The following MAML2 variants were observed in gnomAD, a reference collection of about 807,000 sequenced individuals.
MAML2 encodes mastermind-like protein 2.
A neutral mutation model predicts 96.1 loss-of-function variants in MAML2; 22 were observed. The observed-to-expected ratio is 0.23, with a 90% CI of 0.16 to 0.33. The LOEUF (loss-of-function observed/expected upper bound fraction) is 0.33. Ranked by LOEUF, MAML2 falls within the 10% of genes least tolerant of loss-of-function variation. MAML2 has a pLI of 1.00. For synonymous variants in MAML2, 561 were observed against 521.3 expected, an observed-to-expected ratio of 1.08 and a Z score of -1.04; for missense variants, 1,367 against 1,392.4, an observed-to-expected ratio of 0.98 and a Z score of 0.29.
intron 1 of MAML2, among the ~76,000 whole-genome samples, chr11:96,108,983 C>T (rs1223021028): frequency 6.6e-6 from 1 of 151,336 alleles, no homozygotes; most frequent in East Asian, 1.9e-4. Flanking sequence ...AGTGATCATG[C>T]CACTGCACAA....
At chr11:96,017,490 A>G (rs1858373156) in intron 2 of MAML2, among the ~76,000 whole-genome samples, 1 of 151,992 alleles carries the variant, frequency 6.6e-6, no homozygotes, top group African/African-American at 2.4e-5. Flanking sequence ...TGGTAAATAA[A>G]TCAGAGCTCT....
At chr11:96,196,879 C>CT (rs35624218) in intron 1 of MAML2, among the ~76,000 whole-genome samples, 54,567 of 128,712 alleles carry the variant, frequency 0.42, 11,733 homozygotes, top group Middle Eastern at 0.53. Context: ...CCACCCTCGG[C>CT]TTTTTTTTTT....
chr11:96,259,518 T>C (rs1459916506), intron 1 of MAML2, among the ~76,000 whole-genome samples: 1 of 152,218 alleles, frequency 6.6e-6, no homozygotes, highest in Non-Finnish European at 1.5e-5. Flanking sequence ...TAGTTGTTTG[T>C]CTAGAATTTC....
In MAML2 at chr11:95,978,026, C is replaced by T. The variant is rs753365866; in HGVS notation, c.*922G>A. On this transcript the variant is annotated 3_prime_UTR_variant, in exon 5 of 5. Transcript: ENST00000524717. ...CAGTCATCAAAATGAGTAGGGAGGACGAGGTTCAATTTCACTCAGCTTGGG... is the reference window on the plus strand; with the variant it reads ...CAGTCATCAAAATGAGTAGGGAGGATGAGGTTCAATTTCACTCAGCTTGGG... The T allele has an allele frequency of 5.9e-5, 13 of 218,822 alleles. No homozygotes were observed. The highest frequency in any genetic ancestry group is 1.9e-4 in the South Asian group (1 of 5,368). The allele number at this position is 218,822 out of a possible 1,614,324, so 13.6% of individuals were successfully genotyped here.
intron 2 of MAML2, among the ~76,000 whole-genome samples, chr11:96,089,605 G>T (rs1192501244): frequency 6.6e-6 from 1 of 152,194 alleles, no homozygotes; most frequent in Non-Finnish European, 1.5e-5. Context: ...ATCAGAATGT[G>T]TATACTTCCC....
intron 1 of MAML2, among the ~76,000 whole-genome samples, chr11:96,196,274 C>T (rs1316574171): frequency 6.6e-6 from 1 of 151,626 alleles, no homozygotes; most frequent in Non-Finnish European, 1.5e-5. Context: ...TAGTTCATCC[C>T]AGTTGCTTCG....
chr11:96,239,473 G>A (rs576337996), intron 1 of MAML2, among the ~76,000 whole-genome samples: 23 of 152,212 alleles, frequency 1.5e-4, no homozygotes, highest in Non-Finnish European at 2.8e-4. Context: ...AATCAAGAAT[G>A]TTCAGAGTTT....
At chr11:96,282,248 CA>C (rs546246324) in intron 1 of MAML2, among the ~76,000 whole-genome samples, 4,317 of 136,910 alleles carry the variant, frequency 0.032, 92 homozygotes, top group South Asian at 0.059. Flanking sequence ...GACTCCATCT[CA>C]AAAAAAAAAT....
At position 96,128,178 on chromosome 11, in the gene MAML2, G is replaced by A. The variant is rs139146001; in HGVS notation, c.514-34661C>T. Among the ~76,000 whole-genome samples the A allele has an allele frequency of 3.7e-3, 566 of 152,174 alleles. 3 individuals are homozygous for A. The highest frequency in any genetic ancestry group is 0.019 in the South Asian group (89 of 4,808). On this transcript the variant is annotated intron_variant, in intron 1 of 4. Transcript: ENST00000524717. ...GGAGGCCGAGGCGGGTGGATCACCT[G>A]AGGTCAGGAGTTTGAGATCAGCCTG...
chr11:96,038,497 T>C (rs562019993), intron 2 of MAML2, among the ~76,000 whole-genome samples: 1 of 152,380 alleles, frequency 6.6e-6, no homozygotes, highest in African/African-American at 2.4e-5. Flanking sequence ...GTTCAACTAT[T>C]CAATCGCTTA....
intron 2 of MAML2, among the ~76,000 whole-genome samples, chr11:96,024,054 C>T (rs1590967157): frequency 6.6e-6 from 1 of 152,248 alleles, no homozygotes; most frequent in East Asian, 1.9e-4. Flanking sequence ...ATATCAAAGA[C>T]ACAAAATAGC....
intron 1 of MAML2, among the ~76,000 whole-genome samples, chr11:96,111,156 A>T (rs1413392566): frequency 6.6e-6 from 1 of 152,262 alleles, no homozygotes; most frequent in Non-Finnish European, 1.5e-5. Context: ...CTGTGCTCAC[A>T]TAGTAAGCAC....
At chr11:96,038,739 T>C (rs964565972) in intron 2 of MAML2, among the ~76,000 whole-genome samples, 1 of 152,250 alleles carries the variant, frequency 6.6e-6, no homozygotes. Context: ...TCCATCACTC[T>C]CTAACTCTCT....
In MAML2 at chr11:95,977,218, ATATT is replaced by A. The variant is rs1303459965; in HGVS notation, c.*1726_*1729del. 1.6e-5 allele frequency: 3 copies of A among 186,002 alleles called. No individual in the cohort carries two copies. Among genetic ancestry groups the A allele is most frequent in the Non-Finnish European group, 3.4e-5 (3 of 87,996 alleles). 11.5% of individuals were successfully genotyped at this position (186,002 alleles called of 1,614,324 possible). Reference sequence around the variant, plus strand: ...GTATAAAATATAACCTTTTGATAGTATATTTATTTCACATATGTATAAATATAAC... The same window carrying A: ...GTATAAAATATAACCTTTTGATAGTATATTTCACATATGTATAAATATAAC... On this transcript the variant is annotated 3_prime_UTR_variant, in exon 5 of 5. Transcript: ENST00000524717.
intron 2 of MAML2, among the ~76,000 whole-genome samples, chr11:96,042,406 C>T (rs940809958): frequency 6.6e-6 from 1 of 152,216 alleles, no homozygotes; most frequent in Non-Finnish European, 1.5e-5. Flanking sequence ...CAGGCGTGAG[C>T]CAGTGTGCCC....
chr11:95,998,170 G>GTCTATCTA, intron 2 of MAML2, among the ~76,000 whole-genome samples: 1 of 81,986 alleles, frequency 1.2e-5, no homozygotes, highest in Non-Finnish European at 3.1e-5. Flanking sequence ...CTGTCTGTCT[G>GTCTATCTA]TCTGTCTATC....
At chr11:96,243,980 C>T (rs1272412276) in intron 1 of MAML2, among the ~76,000 whole-genome samples, 2 of 152,188 alleles carry the variant, frequency 1.3e-5, no homozygotes, top group African/African-American at 4.8e-5. Context: ...TACTCAGGTC[C>T]GCTGGCCTTC....
chr11:96,266,206 A>G (rs1018088781), intron 1 of MAML2, among the ~76,000 whole-genome samples: 4 of 152,122 alleles, frequency 2.6e-5, no homozygotes, highest in African/African-American at 7.2e-5. Context: ...CGAGGGGGAC[A>G]AAGGAACTTT....
At chr11:96,168,996 TA>T (rs1861238376) in intron 1 of MAML2, among the ~76,000 whole-genome samples, 1 of 152,212 alleles carries the variant, frequency 6.6e-6, no homozygotes, top group African/African-American at 2.4e-5. Flanking sequence ...AATTTATTAT[TA>T]TTAATCTGCC....
Sources: allele counts gnomAD v4.1 joint callset (sites outside exome capture counted in the v4.1 genomes callset), GRCh38; gene constraint gnomAD v4.1.1; transcripts MANE v1.5; gene names NCBI Gene and HGNC (gene_info 2026-07-23, HGNC 2026-07-21).